The following COMMD10 variants were observed in gnomAD, a reference collection of about 807,000 sequenced individuals.
The protein encoded by COMMD10 is COMM domain containing 10, also known as COMM domain-containing protein 10.
In COMMD10, 33 loss-of-function variants were observed where a neutral mutation model predicts 28.9. That is an observed-to-expected ratio of 1.14 (90% CI 0.87 to 1.53). COMMD10 has a LOEUF of 1.53. Among genes scored for constraint, COMMD10 ranks in the 40% most tolerant of loss-of-function variants. COMMD10 has a pLI of 0.00. For synonymous variants in COMMD10, 110 were observed against 81.7 expected (o/e 1.35, Z -1.87); for missense variants, 310 against 233.4 (o/e 1.33, Z -2.14).
chr5:116,118,910 G>A (rs1156983489), intron 4 of COMMD10, among the ~76,000 whole-genome samples: 1 of 152,180 alleles, frequency 6.6e-6, no homozygotes. Flanking sequence ...ATTGAATGAA[G>A]ATTTCGTTAA....
At chr5:116,284,790 C>T (rs979676059) in intron 5 of COMMD10, among the ~76,000 whole-genome samples, 2 of 151,752 alleles carry the variant, frequency 1.3e-5, no homozygotes, top group Non-Finnish European at 2.9e-5. Flanking sequence ...TATGAGTTGA[C>T]TCATAGGCCA....
At chr5:116,178,094 C>T (rs1391992990) in intron 5 of COMMD10, among the ~76,000 whole-genome samples, 1 of 151,884 alleles carries the variant, frequency 6.6e-6, no homozygotes, top group African/African-American at 2.4e-5. Flanking sequence ...ACTTCATTTT[C>T]CTAATGTTTA....
In COMMD10 at chr5:116,220,356, C is replaced by A. The variant is rs183641154; in HGVS notation, c.511-71161C>A. 1.8e-4 allele frequency among the ~76,000 whole-genome samples: 27 copies of A among 152,180 alleles called. No individual in the cohort carries two copies. The East Asian group carries it at 3.3e-3, about 19-fold the overall frequency. The stretch of plus-strand genomic sequence containing the variant: ...ATCAGGAAGTAAAGGAATTCTAAGC[C>A]CCTAGAGAATGTCACAGTAGATGAC... On this transcript the variant is annotated intron_variant, in intron 5 of 6. Transcript: ENST00000274458.
chr5:116,142,065 G>C (rs1270175079), intron 5 of COMMD10, among the ~76,000 whole-genome samples: 1 of 151,790 alleles, frequency 6.6e-6, no homozygotes, highest in Non-Finnish European at 1.5e-5. Context: ...AGGAAAAACT[G>C]TTAAACTTAC....
chr5:116,096,976 C>T (rs914497066), intron 4 of COMMD10, among the ~76,000 whole-genome samples: 7 of 151,668 alleles, frequency 4.6e-5, no homozygotes, highest in African/African-American at 1.7e-4. Flanking sequence ...TTATACAGTC[C>T]GTTTTTTTCC....
chr5:116,179,047 A>G lies in COMMD10; in HGVS notation c.510+44869A>G, dbSNP rs376936418. ...CATGCTTCTGTCCCCATGTTTACCT[A>G]TGTAATTTTATGATTCCATAGGTAA... On this transcript the variant is annotated intron_variant, in intron 5 of 6. Coordinates refer to ENST00000274458, the MANE Select transcript of COMMD10 (RefSeq NM_016144.4). 8.0e-4 allele frequency among the ~76,000 whole-genome samples: 122 copies of G among 152,238 alleles called. 1 individual carries two copies. Among genetic ancestry groups the G allele is most frequent in the Non-Finnish European group, 1.5e-3 (105 of 68,000 alleles).
intron 1 of COMMD10, among the ~76,000 whole-genome samples, chr5:116,086,198 C>T (rs371254046): frequency 1.2e-4 from 19 of 152,324 alleles, no homozygotes; most frequent in African/African-American, 4.3e-4. Context: ...GAGGACATTT[C>T]TTGTCATAGC....
chr5:116,101,355 C>A lies in COMMD10; in HGVS notation c.399+8655C>A, dbSNP rs189381211. Among the ~76,000 whole-genome samples, 870 of 152,094 alleles carry A rather than the reference C, an allele frequency of 5.7e-3. 8 individuals are homozygous for A. Among genetic ancestry groups the A allele is most frequent in the African/African-American group, 0.019 (805 of 41,514 alleles). The stretch of plus-strand genomic sequence containing the variant: ...AGAGTTCCCTTTTCTATACTATTTT[C>A]CATAAGAGTTCTCTTTTCTCCACAT... On this transcript the variant is annotated intron_variant, in intron 4 of 6. Coordinates refer to ENST00000274458, the MANE Select transcript of COMMD10 (RefSeq NM_016144.4).
chr5:116,243,625 G>A (rs1455545292), intron 5 of COMMD10, among the ~76,000 whole-genome samples: 2 of 152,130 alleles, frequency 1.3e-5, no homozygotes, highest in East Asian at 3.9e-4. Flanking sequence ...TCAGAAAGTC[G>A]AAGTGAGTAT....
chr5:116,234,380 T>C lies in COMMD10; in HGVS notation c.511-57137T>C, dbSNP rs191420684. ...AAAACAAAAAAGTAATGAATAGCAATGAAAAGAAAAAAATTTCAATTTTAG... is the reference window on the plus strand; with the variant it reads ...AAAACAAAAAAGTAATGAATAGCAACGAAAAGAAAAAAATTTCAATTTTAG... On this transcript the variant is annotated intron_variant, in intron 5 of 6. Transcript: ENST00000274458. Among the ~76,000 whole-genome samples, 391 of 152,128 alleles carry C rather than the reference T, an allele frequency of 2.6e-3. 1 individual carries two copies. The highest frequency in any genetic ancestry group is 4.4e-3 in the Non-Finnish European group (301 of 67,978).
chr5:116,101,290 T>C (rs1750650322), intron 4 of COMMD10, among the ~76,000 whole-genome samples: 1 of 152,218 alleles, frequency 6.6e-6, no homozygotes, highest in African/African-American at 2.4e-5. Flanking sequence ...ATGTTAGTTC[T>C]AGTTTTAGTT....
chr5:116,199,945 C>T (rs959919942), intron 5 of COMMD10, among the ~76,000 whole-genome samples: 2 of 151,886 alleles, frequency 1.3e-5, no homozygotes, highest in Non-Finnish European at 2.9e-5. Context: ...GTTTTTTCCT[C>T]AACACTAAAT....
chr5:116,161,338 G>A (rs781737337), intron 5 of COMMD10, among the ~76,000 whole-genome samples: 7 of 152,006 alleles, frequency 4.6e-5, no homozygotes, highest in Admixed American at 2.0e-4. Flanking sequence ...GTTTAGTGCC[G>A]GCTGTATAAT....
chr5:116,194,350 A>G (rs1013910976), intron 5 of COMMD10, among the ~76,000 whole-genome samples: 3 of 152,168 alleles, frequency 2.0e-5, no homozygotes, highest in African/African-American at 7.2e-5. Flanking sequence ...ATGGAAACAA[A>G]AACAATGAAA....
intron 5 of COMMD10, among the ~76,000 whole-genome samples, chr5:116,149,474 A>G (rs1468512402): frequency 2.0e-5 from 3 of 146,800 alleles, no homozygotes; most frequent in African/African-American, 7.8e-5. Flanking sequence ...TCCCACCAAC[A>G]GTGTAAAAGT....
rs62385979 is a variant in COMMD10 at position 116,253,876 on chromosome 5, T to G, written c.511-37641T>G. 4.7e-5 allele frequency among the ~76,000 whole-genome samples: 7 copies of G among 147,650 alleles called. No individual in the cohort carries two copies. In the South Asian group the frequency reaches 1.5e-3, roughly 31 times the overall value. The stretch of plus-strand genomic sequence containing the variant: ...GGAATAGTTTCAGAAGGAATGGTAC[T>G]AGTTCCTCCTTGTACCTCTGGTAGA... On this transcript the variant is annotated intron_variant, in intron 5 of 6. Transcript: ENST00000274458.
chr5:116,182,343 C>T (rs1011848739), intron 5 of COMMD10, among the ~76,000 whole-genome samples: 1 of 151,310 alleles, frequency 6.6e-6, no homozygotes, highest in African/African-American at 2.4e-5. Flanking sequence ...AAATTAAGAA[C>T]AATAGGTTTC....
intron 4 of COMMD10, among the ~76,000 whole-genome samples, chr5:116,101,649 A>T (rs1326458772): frequency 1.3e-5 from 2 of 151,754 alleles, no homozygotes; most frequent in African/African-American, 4.8e-5. Flanking sequence ...CTGGTCTCGA[A>T]CTCCTGACCT....
intron 5 of COMMD10, among the ~76,000 whole-genome samples, chr5:116,262,298 T>C (rs554307503): frequency 8.6e-5 from 13 of 151,802 alleles, no homozygotes; most frequent in Admixed American, 5.3e-4. Flanking sequence ...AATATAGTTT[T>C]CAACAGAATA....
Sources: gnomAD v4.1 joint callset for allele counts (sites outside exome capture counted in the v4.1 genomes callset) on GRCh38, gnomAD v4.1.1 for gene constraint, MANE v1.5 for transcripts, NCBI Gene and HGNC (gene_info 2026-07-23, HGNC 2026-07-21) for gene names.